The following RPGRIP1L variants were observed in gnomAD, a reference collection of about 807,000 sequenced individuals.
RPGRIP1L encodes RPGRIP1 like, also known as protein fantom.
RPGRIP1L carries 131 observed loss-of-function variants against 160.4 expected under a neutral mutation model. The ratio of observed to expected loss-of-function variants is 0.82; its 90% CI spans 0.71 to 0.94. The LOEUF is 0.94. Ranked by LOEUF, RPGRIP1L falls within the 40% of genes least tolerant of loss-of-function variation. The probability of loss-of-function intolerance (pLI) is 0.00; values close to 1 mark genes in which losing one functional copy is unlikely to be tolerated. For synonymous variants in RPGRIP1L, 510 were observed against 515.8 expected (o/e 0.99, Z 0.15); for missense variants, 1,522 against 1,535.8 (o/e 0.99, Z 0.15).
chr16:53,694,605 G>C (rs1282485725), intron 3 of RPGRIP1L: 1 of 151,748 alleles, frequency 6.6e-6, no homozygotes, highest in Non-Finnish European at 1.5e-5. Flanking sequence ...TCTGCCTCCC[G>C]GGTTCAAGCA....
At chr16:53,647,556 T>A (rs373734685) in intron 16 of RPGRIP1L, among the ~76,000 whole-genome samples, 33 of 152,332 alleles carry the variant, frequency 2.2e-4, no homozygotes, top group African/African-American at 7.9e-4. Flanking sequence ...GAGGGCAGAA[T>A]CTGATTGGCT....
At chr16:53,651,082 C>T (rs766627111) in intron 15 of RPGRIP1L, among the ~76,000 whole-genome samples, 5 of 152,126 alleles carry the variant, frequency 3.3e-5, no homozygotes, top group African/African-American at 7.2e-5. Context: ...GTCTAATAGG[C>T]GGGTCAGTCT....
chr16:53,691,039 G>A (rs1460523687), intron 4 of RPGRIP1L, among the ~76,000 whole-genome samples: 1 of 151,972 alleles, frequency 6.6e-6, no homozygotes, highest in Non-Finnish European at 1.5e-5. Context: ...GGAAAAGATA[G>A]TGCTAACATT....
At chr16:53,688,666 G>T (rs1970180265) in intron 4 of RPGRIP1L, among the ~76,000 whole-genome samples, 1 of 152,016 alleles carries the variant, frequency 6.6e-6, no homozygotes, top group Non-Finnish European at 1.5e-5. Flanking sequence ...CATCACAGAT[G>T]ATTAAGGTTT....
intron 3 of RPGRIP1L, chr16:53,693,429 C>G (rs1452004395): frequency 6.6e-6 from 1 of 152,016 alleles, no homozygotes; most frequent in Non-Finnish European, 1.5e-5. Context: ...ATAGAACAAC[C>G]TTTTTTCTGC....
At position 53,687,027 on chromosome 16, in the gene RPGRIP1L, C is replaced by T. The variant is rs142312891; in HGVS notation, c.633-451G>A. 1.4e-3 allele frequency among the ~76,000 whole-genome samples: 209 copies of T among 152,258 alleles called. 1 individual carries two copies. Among genetic ancestry groups the T allele is most frequent in the African/African-American group, 4.8e-3 (198 of 41,564 alleles). ...CATTTATCTCTATCATGTCTGGCAG[C>T]ATCACACTGTAATGAGTCTCAGGAA... On this transcript the variant is annotated intron_variant, in intron 5 of 26. Coordinates refer to ENST00000647211, the MANE Select transcript of RPGRIP1L (RefSeq NM_015272.5).
intron 6 of RPGRIP1L, among the ~76,000 whole-genome samples, chr16:53,677,543 T>G (rs1969279481): frequency 6.6e-6 from 1 of 152,156 alleles, no homozygotes; most frequent in Non-Finnish European, 1.5e-5. Flanking sequence ...ATAAATGTGG[T>G]CTAGCCTTTA....
Position 53,605,447 on chromosome 16 carries a change from G to A in RPGRIP1L, c.3835+34C>T, listed in dbSNP as rs1963617087. The A allele has an allele frequency of 2.5e-6, 4 of 1,612,320 alleles. No individual in the cohort carries two copies. The African/African-American group carries it at 4.0e-5, about 16-fold the overall frequency. Reference sequence around the variant, plus strand: ...AAGAGTTTGGAGTTCAGCAATTGTTGGTTGCACAAACTGAGCAACACTTTC... The same window carrying A: ...AAGAGTTTGGAGTTCAGCAATTGTTAGTTGCACAAACTGAGCAACACTTTC... On this transcript the variant is annotated intron_variant, in intron 26 of 26. Transcript: ENST00000647211.
Position 53,619,011 on chromosome 16 carries a change from T to C in RPGRIP1L, c.3616+14A>G. ...CAAACATAAAAGTCTATATTACAAATGAATCATACATACCATTGCTATAGT... is the reference window on the plus strand; with the variant it reads ...CAAACATAAAAGTCTATATTACAAACGAATCATACATACCATTGCTATAGT... On this transcript the variant is annotated intron_variant, in intron 24 of 26. Coordinates refer to ENST00000647211, the MANE Select transcript of RPGRIP1L (RefSeq NM_015272.5). 1.3e-6 allele frequency: 2 copies of C among 1,596,976 alleles called. No homozygotes were observed. The highest frequency in any genetic ancestry group is 4.5e-5 in the East Asian group (2 of 44,790).
At chr16:53,602,476 C>T (rs1486132507) in intron 26 of RPGRIP1L, among the ~76,000 whole-genome samples, 1 of 152,106 alleles carries the variant, frequency 6.6e-6, no homozygotes, top group African/African-American at 2.4e-5. Flanking sequence ...CACACACAAT[C>T]AGAATTTTTA....
intron 10 of RPGRIP1L, among the ~76,000 whole-genome samples, chr16:53,661,618 T>G (rs1408103380): frequency 6.6e-6 from 1 of 152,206 alleles, no homozygotes; most frequent in Non-Finnish European, 1.5e-5. Context: ...TGAGCTAAAG[T>G]GTAAAGGGCA....
intron 21 of RPGRIP1L, 93 bp downstream of exon 21, chr16:53,637,602 C>T: frequency 1.8e-6 from 2 of 1,106,340 alleles, no homozygotes; most frequent in South Asian, 1.3e-5. Context: ...GTAGACGCTA[C>T]CATTAAATGA....
chr16:53,625,320 C>A (rs77040515), intron 22 of RPGRIP1L, among the ~76,000 whole-genome samples: 1 of 151,388 alleles, frequency 6.6e-6, no homozygotes, highest in Non-Finnish European at 1.5e-5. Context: ...ATGTGGGGAG[C>A]GCCTCCGCGG....
intron 10 of RPGRIP1L, among the ~76,000 whole-genome samples, chr16:53,663,820 G>C (rs1250367389): frequency 6.6e-6 from 1 of 151,982 alleles, no homozygotes; most frequent in African/African-American, 2.4e-5. Flanking sequence ...TTTCAGACTT[G>C]CTAAAATGTG....
chr16:53,630,500 A>G (rs566736893), intron 22 of RPGRIP1L, among the ~76,000 whole-genome samples: 1 of 152,318 alleles, frequency 6.6e-6, no homozygotes, highest in Non-Finnish European at 1.5e-5. Context: ...TTAGCAAAAA[A>G]TCATAGAAAC....
intron 22 of RPGRIP1L, among the ~76,000 whole-genome samples, chr16:53,625,215 C>T (rs1965017309): frequency 6.6e-6 from 1 of 152,054 alleles, no homozygotes; most frequent in African/African-American, 2.4e-5. Flanking sequence ...GCGTCTCTGC[C>T]TGGCCACCCA....
rs1965978631 is a variant in RPGRIP1L at position 53,638,424 on chromosome 16, T to C, written c.2959-13A>G. 3 of 1,317,196 alleles carry C rather than the reference T, an allele frequency of 2.3e-6. No individual in the cohort carries two copies. The highest frequency in any genetic ancestry group is 3.6e-4 in the Middle Eastern group (2 of 5,488). 81.6% of individuals were successfully genotyped at this position (1,317,196 alleles called of 1,614,324 possible). A position where few individuals can be genotyped will look rare whatever the true frequency, so the allele number is the denominator to read the frequency against. On this transcript the variant is annotated splice_polypyrimidine_tract_variant and intron_variant, in intron 19 of 26. Coordinates refer to ENST00000647211, the MANE Select transcript of RPGRIP1L (RefSeq NM_015272.5). Reference sequence around the variant, plus strand: ...GAGGAGAAGTCTCCTTATATTAATGTGAAAACACGCATGTATGTCATTTTT... The same window carrying C: ...GAGGAGAAGTCTCCTTATATTAATGCGAAAACACGCATGTATGTCATTTTT...
At chr16:53,607,281 G>C (rs913838431) in intron 25 of RPGRIP1L, among the ~76,000 whole-genome samples, 1 of 152,120 alleles carries the variant, frequency 6.6e-6, no homozygotes, top group Non-Finnish European at 1.5e-5. Flanking sequence ...GTAAATGTTT[G>C]CTCTTCTTTT....
chr16:53,665,784 C>A (rs1396994047), intron 9 of RPGRIP1L, among the ~76,000 whole-genome samples: 1 of 152,112 alleles, frequency 6.6e-6, no homozygotes, highest in East Asian at 1.9e-4. Flanking sequence ...AATCAACATT[C>A]GTTTATGCCA....
Sources: gnomAD v4.1 joint callset for allele counts (sites outside exome capture counted in the v4.1 genomes callset) on GRCh38, gnomAD v4.1.1 for gene constraint, MANE v1.5 for transcripts, NCBI Gene and HGNC (gene_info 2026-07-23, HGNC 2026-07-21) for gene names.